The following SYNM variants were observed in gnomAD, a reference collection of about 807,000 sequenced individuals.
The protein encoded by SYNM is synemin.
In SYNM, 95 loss-of-function variants were observed where a neutral mutation model predicts 104.0. The observed-to-expected ratio is 0.91, with a 90% CI of 0.77 to 1.08. The LOEUF is 1.08. Among genes scored for constraint, SYNM ranks in the 50% least tolerant of loss-of-function variants. The probability of loss-of-function intolerance (pLI) is 0.00; values close to 1 mark genes in which losing one functional copy is unlikely to be tolerated. For synonymous variants in SYNM, 918 were observed against 869.0 expected, an observed-to-expected ratio of 1.06 and a Z score of -0.99; for missense variants, 2,150 against 2,052.2, an observed-to-expected ratio of 1.05 and a Z score of -0.92.
chr15:99,131,450 T>C lies in SYNM; in HGVS notation c.3090T>C (p.Ala1030=), dbSNP rs1555485888. Residue 1030 remains alanine, a synonymous_variant, in exon 4 of 4, where the codon GCT becomes GCC. Coordinates refer to ENST00000336292, the MANE Select transcript of SYNM (RefSeq NM_145728.3). The surrounding 1 kb of genome is among the most constrained non-coding windows in gnomAD (Gnocchi z 4.3). The part of the protein sequence containing the change: ...SKDEASEMEK[A]VESVVRESLS... ...ATGAGGCCAGTGAGATGGAGAAGGCTGTGGAGTCGGTGGTTCGGGAGAGCC... is the reference window on the plus strand; with the variant it reads ...ATGAGGCCAGTGAGATGGAGAAGGCCGTGGAGTCGGTGGTTCGGGAGAGCC... 1.9e-6 allele frequency: 3 copies of C among 1,608,140 alleles called. No homozygotes were observed. In the Admixed American group the frequency reaches 5.0e-5, roughly 27 times the overall value.
intron 2 of SYNM, among the ~76,000 whole-genome samples, chr15:99,113,978 G>T (rs1457787191): frequency 6.6e-6 from 1 of 152,054 alleles, no homozygotes; most frequent in African/African-American, 2.4e-5. Flanking sequence ...ATGTTCTGGG[G>T]ACTGCTGAAG....
At chr15:99,141,761 A>G in the SYNM span, among the ~76,000 whole-genome samples, 1 of 152,206 alleles carries the variant, frequency 6.6e-6, no homozygotes, top group Non-Finnish European at 1.5e-5. Context: ...TGAATGTTTC[A>G]GTCTGAGGAA....
intron 2 of SYNM, among the ~76,000 whole-genome samples, chr15:99,122,520 G>C (rs2067410557): frequency 6.6e-6 from 1 of 152,084 alleles, no homozygotes; most frequent in Admixed American, 6.6e-5. Context: ...TAAAATACTT[G>C]AAGTGAATAA....
At chr15:99,128,489 G>C (rs1354523232) in intron 3 of SYNM, among the ~76,000 whole-genome samples, 1 of 152,202 alleles carries the variant, frequency 6.6e-6, no homozygotes, top group Non-Finnish European at 1.5e-5. Context: ...TGTATCTTGG[G>C]ATCTGTGCAA....
downstream of SYNM, chr15:99,138,206 G>GA: frequency 6.4e-7 from 1 of 1,571,032 alleles, no homozygotes; most frequent in Non-Finnish European, 8.6e-7. Flanking sequence ...TTGCTGCCCA[G>GA]CAGGTGCCCA....
At chr15:99,116,140 G>T (rs191068491) in intron 2 of SYNM, among the ~76,000 whole-genome samples, 61 of 152,372 alleles carry the variant, frequency 4.0e-4, no homozygotes, top group East Asian at 3.1e-3. Flanking sequence ...GCCACTGAGG[G>T]GCTGGTGGCC....
chr15:99,132,611 T>C lies in SYNM; in HGVS notation c.4251T>C (p.Ile1417=). 1 of 1,613,964 alleles carries C rather than the reference T, an allele frequency of 6.2e-7. No homozygotes were observed. The highest frequency in any genetic ancestry group is 8.5e-7 in the Non-Finnish European group (1 of 1,179,868). The stretch of plus-strand genomic sequence containing the variant: ...CAGAAACGGAAACCTCTGAACACAT[T>C]GCCATCCGTGGACCCGTGTCCAGAA... ...GPTETETSEH[I]AIRGPVSRTF... is the part of the protein sequence containing the mutation. Residue 1417 remains isoleucine (I), a synonymous_variant, in exon 4 of 4, where the codon ATT becomes ATC. Coordinates refer to ENST00000336292, the MANE Select transcript of SYNM (RefSeq NM_145728.3).
chr15:99,108,377 A>C (rs1446170324), intron 1 of SYNM, among the ~76,000 whole-genome samples: 1 of 151,862 alleles, frequency 6.6e-6, no homozygotes, highest in Non-Finnish European at 1.5e-5. Context: ...ACTTAAGTCA[A>C]CTCCATTTCA....
downstream of SYNM, chr15:99,139,941 A>G (rs13329354): frequency 0.012 from 4,174 of 346,466 alleles, 160 homozygotes; most frequent in African/African-American, 0.08. Context: ...TTGCCATTTG[A>G]TTGCTTGTAG....
Position 99,132,207 on chromosome 15 carries a change from C to G in SYNM, c.3847C>G (p.Leu1283Val), listed in dbSNP as rs937655971. 3.1e-6 allele frequency: 5 copies of G among 1,613,036 alleles called. No homozygotes were observed. In the South Asian group the frequency reaches 4.4e-5, roughly 14 times the overall value. Residue 1283 changes from leucine to valine, a missense_variant, in exon 4 of 4, where the codon CTT becomes GTT. Physicochemically the swap from Leu to Val is conservative, Grantham distance 32. Transcript: ENST00000336292. Reference sequence around the variant, plus strand: ...TGGGCAAATCCAGTTCACAGCTCCACTTTCAGACAAGGTGGAGTTGGGTGT... The same window carrying G: ...TGGGCAAATCCAGTTCACAGCTCCAGTTTCAGACAAGGTGGAGTTGGGTGT... ...FSGQIQFTAP[L>V]SDKVELGVIG...
intron 2 of SYNM, among the ~76,000 whole-genome samples, chr15:99,123,949 G>A (rs188407269): frequency 3.3e-5 from 5 of 152,390 alleles, no homozygotes; most frequent in Admixed American, 3.3e-4. Flanking sequence ...CTGGCGCCTG[G>A]CCAGAGGCCA....
chr15:99,107,945 TGTTTTGTTTTTTTTTTGGTTTTGG>T (rs1567273488), intron 1 of SYNM, among the ~76,000 whole-genome samples: 14 of 122,442 alleles, frequency 1.1e-4, no homozygotes, highest in African/African-American at 4.3e-4. Flanking sequence ...TTTTGTTTTT[TGTTTTGTTTTTTTTTTGGTTTTGG>T]TTTTGGTTTT....
At chr15:99,124,168 C>T (rs1188867804) in intron 2 of SYNM, among the ~76,000 whole-genome samples, 2 of 152,272 alleles carry the variant, frequency 1.3e-5, no homozygotes, top group Non-Finnish European at 2.9e-5. Context: ...CCACCGCTCT[C>T]AAAATAACCA....
downstream of SYNM, chr15:99,139,767 G>GT (rs781909987): frequency 2.4e-4 from 316 of 1,301,742 alleles, no homozygotes; most frequent in African/African-American, 4.4e-3. Context: ...TAAAAAAATA[G>GT]TTTTGTTTTT....
At chr15:99,118,436 T>G (rs1555484181) in intron 2 of SYNM, among the ~76,000 whole-genome samples, 1 of 152,164 alleles carries the variant, frequency 6.6e-6, no homozygotes, top group East Asian at 1.9e-4. Flanking sequence ...AATTGCTGAG[T>G]TGACTGTCAT....
At chr15:99,106,741 G>A (rs1555482863) in intron 1 of SYNM, among the ~76,000 whole-genome samples, 1 of 151,984 alleles carries the variant, frequency 6.6e-6, no homozygotes, top group East Asian at 1.9e-4. Flanking sequence ...TGACACCGGC[G>A]GGGTGACACC....
At chr15:99,112,207 G>A (rs868930918) in intron 1 of SYNM, among the ~76,000 whole-genome samples, 1 of 152,204 alleles carries the variant, frequency 6.6e-6, no homozygotes, top group Non-Finnish European at 1.5e-5. Context: ...CCCTCTCCCA[G>A]TAGTCTTACC....
chr15:99,132,607 A>G lies in SYNM; in HGVS notation c.4247A>G (p.His1416Arg), dbSNP rs1555486150. The change falls in exon 4 of 4, where the codon CAC becomes CGC. Residue 1416 changes from histidine (H) to arginine (R), a missense_variant. His to Arg is a conservative substitution (Grantham distance 29, BLOSUM62 0). Transcript: ENST00000336292. ...CCTACAGAAACGGAAACCTCTGAAC[A>G]CATTGCCATCCGTGGACCCGTGTCC... The part of the protein sequence containing the change: ...LGPTETETSE[H>R]IAIRGPVSRT... 8.7e-6 allele frequency: 14 copies of G among 1,614,048 alleles called. No individual in the cohort carries two copies. The highest frequency in any genetic ancestry group is 1.3e-5 in the African/African-American group (1 of 75,054).
downstream of SYNM, chr15:99,137,318 G>A (rs2067668335): frequency 6.6e-6 from 1 of 152,292 alleles, no homozygotes; most frequent in South Asian, 2.1e-4. Context: ...TGCAGTGGAG[G>A]CCACAGGAGG....
Sources: gnomAD v4.1 joint callset for allele counts (sites outside exome capture counted in the v4.1 genomes callset) on GRCh38, gnomAD v4.1.1 for gene constraint, Gnocchi (gnomAD v3.1) non-coding constraint, MANE v1.5 for transcripts, NCBI Gene and HGNC (gene_info 2026-07-23, HGNC 2026-07-21) for gene names.